Variants in PRKG1 observed in about 807,000 individuals in gnomAD.
PRKG1 encodes cGMP-dependent protein kinase 1.
In PRKG1, 35 loss-of-function variants were observed where a neutral mutation model predicts 88.1. That is an observed-to-expected ratio of 0.40 (90% CI 0.30 to 0.53). PRKG1 has a LOEUF of 0.53. PRKG1 is among the 20% of genes least tolerant of loss of function. PRKG1 has a pLI of 0.59. For missense variants in PRKG1, 540 were observed against 839.8 expected (o/e 0.64, Z 4.41); for synonymous variants, 303 against 292.5 (o/e 1.04, Z -0.37).
intron 5 of PRKG1, among the ~76,000 whole-genome samples, chr10:52,048,605 C>A (rs1871078): frequency 0.16 from 24,251 of 151,890 alleles, 2,003 homozygotes; most frequent in East Asian, 0.29. Context: ...TTTAAAATAG[C>A]TAAATGTACA....
chr10:52,036,703 C>G (rs1845620743), intron 5 of PRKG1, among the ~76,000 whole-genome samples: 1 of 152,082 alleles, frequency 6.6e-6, no homozygotes, highest in South Asian at 2.1e-4. Context: ...CAGGAATAGT[C>G]AGGGAAGCAG....
chr10:51,193,028 A>G (rs1837669617), intron 2 of PRKG1, among the ~76,000 whole-genome samples: 1 of 152,108 alleles, frequency 6.6e-6, no homozygotes, highest in Non-Finnish European at 1.5e-5. Flanking sequence ...CAGGGTTCTC[A>G]GTTAGTAAAA....
chr10:51,995,303 C>A (rs1395645152), intron 5 of PRKG1, among the ~76,000 whole-genome samples: 1 of 152,014 alleles, frequency 6.6e-6, no homozygotes, highest in Admixed American at 6.5e-5. Context: ...GAGTCTTAAA[C>A]AGGAGCAGGT....
rs200522600 is a variant in PRKG1 at position 51,604,088 on chromosome 10, C to A, written c.592+136252C>A. Among the ~76,000 whole-genome samples, 3 of 90,486 alleles carry A rather than the reference C, an allele frequency of 3.3e-5. No homozygotes were observed. The Admixed American group carries it at 3.8e-4, about 11-fold the overall frequency. The allele number at this position is 90,486 out of a possible 152,430, so 59.4% of individuals were successfully genotyped here. A position where few individuals can be genotyped will look rare whatever the true frequency, so the allele number is the denominator to read the frequency against. The stretch of plus-strand genomic sequence containing the variant: ...AGGATTAATGAAGATCTGGTCCCTG[C>A]CTTTTTTTTTTTTTTCAGCCTTCTT... On this transcript the variant is annotated intron_variant, in intron 3 of 17. Coordinates refer to ENST00000373980, the MANE Select transcript of PRKG1 (RefSeq NM_006258.4).
chr10:52,048,248 T>G (rs1845909166), intron 5 of PRKG1, among the ~76,000 whole-genome samples: 2 of 152,026 alleles, frequency 1.3e-5, no homozygotes, highest in Admixed American at 1.3e-4. Context: ...TTATTGATGA[T>G]CTATGCTTTA....
intron 3 of PRKG1, among the ~76,000 whole-genome samples, chr10:51,682,407 C>T (rs963456217): frequency 3.3e-5 from 5 of 152,162 alleles, no homozygotes; most frequent in Non-Finnish European, 7.3e-5. Flanking sequence ...AACAAATCTT[C>T]CTTGGAGTGT....
At chr10:51,643,470 A>G (rs1407661636) in intron 3 of PRKG1, among the ~76,000 whole-genome samples, 2 of 152,176 alleles carry the variant, frequency 1.3e-5, no homozygotes, top group Admixed American at 1.3e-4. Flanking sequence ...ATATTGGGAT[A>G]AAACTATTCA....
chr10:51,538,090 C>A (rs548273471), intron 3 of PRKG1, among the ~76,000 whole-genome samples: 10 of 152,200 alleles, frequency 6.6e-5, no homozygotes, highest in African/African-American at 2.4e-4. Flanking sequence ...GAAATTCAGG[C>A]CTTCCCTAGT....
intron 4 of PRKG1, among the ~76,000 whole-genome samples, chr10:51,873,574 C>T (rs1841213171): frequency 1.4e-5 from 2 of 146,320 alleles, no homozygotes; most frequent in South Asian, 4.3e-4. Context: ...GTCGCCCAGG[C>T]TAGAGTGCAG....
chr10:51,389,270 A>T (rs1837335253), intron 2 of PRKG1, among the ~76,000 whole-genome samples: 1 of 152,206 alleles, frequency 6.6e-6, no homozygotes, highest in Non-Finnish European at 1.5e-5. Context: ...TTTTAATCTT[A>T]TGCAAAGACA....
chr10:51,667,860 GT>G (rs1412538248), intron 3 of PRKG1, among the ~76,000 whole-genome samples: 1 of 152,136 alleles, frequency 6.6e-6, no homozygotes, highest in East Asian at 1.9e-4. Flanking sequence ...CAAAGGTCCT[GT>G]TGATTTCCCC....
chr10:52,070,684 T>C (rs540235423), intron 7 of PRKG1, among the ~76,000 whole-genome samples: 40 of 152,328 alleles, frequency 2.6e-4, no homozygotes, highest in African/African-American at 8.9e-4. Context: ...TCTGTGTCAT[T>C]CGGTGCTACA....
At chr10:51,397,981 A>C (rs1837626716) in intron 2 of PRKG1, among the ~76,000 whole-genome samples, 3 of 152,164 alleles carry the variant, frequency 2.0e-5, no homozygotes, top group Admixed American at 6.5e-5. Flanking sequence ...TATCAACCTA[A>C]ATGATAGCCC....
At chr10:51,419,189 T>A (rs2132703296) in intron 2 of PRKG1, among the ~76,000 whole-genome samples, 1 of 152,302 alleles carries the variant, frequency 6.6e-6, no homozygotes, top group African/African-American at 2.4e-5. Context: ...ATTTGGGACT[T>A]AAAGTTATAT....
At chr10:52,274,669 G>A (rs1305930318) in intron 12 of PRKG1, among the ~76,000 whole-genome samples, 1 of 151,900 alleles carries the variant, frequency 6.6e-6, no homozygotes, top group Non-Finnish European at 1.5e-5. Flanking sequence ...CTATAAACAT[G>A]AGTATGCAAG....
At position 51,590,409 on chromosome 10, in the gene PRKG1, G is replaced by A. The variant is rs183035714; in HGVS notation, c.592+122573G>A. 7.9e-5 allele frequency among the ~76,000 whole-genome samples: 12 copies of A among 152,212 alleles called. No individual in the cohort carries two copies. In the East Asian group the frequency reaches 2.3e-3, roughly 29 times the overall value. On this transcript the variant is annotated intron_variant, in intron 3 of 17. Coordinates refer to ENST00000373980, the MANE Select transcript of PRKG1 (RefSeq NM_006258.4). ...CTCTGGCTAATTTTCTTTCCCCATT[G>A]TATGCCATCTATTGTGGAATCACAA...
intron 5 of PRKG1, among the ~76,000 whole-genome samples, chr10:52,041,842 A>C (rs1467874594): frequency 3.3e-5 from 5 of 152,090 alleles, no homozygotes; most frequent in African/African-American, 4.8e-5. Flanking sequence ...TTAATGAGTA[A>C]ATTTACTAAA....
chr10:51,124,768 G>C (rs758500845), intron 1 of PRKG1, among the ~76,000 whole-genome samples: 2 of 152,088 alleles, frequency 1.3e-5, no homozygotes, highest in African/African-American at 4.8e-5. Flanking sequence ...AACTCCAAAC[G>C]GGCTGAATGA....
At chr10:51,130,843 A>G (rs1234662975) in intron 1 of PRKG1, among the ~76,000 whole-genome samples, 1 of 152,092 alleles carries the variant, frequency 6.6e-6, no homozygotes, top group Non-Finnish European at 1.5e-5. Flanking sequence ...CAGAGGTTGC[A>G]GTGAGCCGAG....
Sources: gnomAD v4.1 joint callset for allele counts (sites outside exome capture counted in the v4.1 genomes callset) on GRCh38, gnomAD v4.1.1 for gene constraint, MANE v1.5 for transcripts, NCBI Gene and HGNC (gene_info 2026-07-23, HGNC 2026-07-21) for gene names.